Variants in MOB2 observed in about 807,000 individuals in gnomAD.
MOB2 encodes the protein MOB kinase activator 2.
A neutral mutation model predicts 27.4 loss-of-function variants in MOB2; 14 were observed. The observed-to-expected ratio is 0.51, with a 90% CI of 0.34 to 0.80. The LOEUF is 0.80. MOB2 is among the 30% of genes least tolerant of loss of function. The pLI is 0.01. For synonymous variants in MOB2, 167 were observed against 151.8 expected, an observed-to-expected ratio of 1.10 and a Z score of -0.74; for missense variants, 304 against 354.6, an observed-to-expected ratio of 0.86 and a Z score of 1.15.
chr11:1,484,565 C>T (rs574037620), intron 1 of MOB2, among the ~76,000 whole-genome samples: 4 of 152,228 alleles, frequency 2.6e-5, no homozygotes, highest in African/African-American at 7.2e-5. Flanking sequence ...TCTCAGCACA[C>T]CTTGCTGCCC....
chr11:1,474,877 G>A (rs937035281), intron 3 of MOB2, among the ~76,000 whole-genome samples: 4 of 152,264 alleles, frequency 2.6e-5, no homozygotes, highest in African/African-American at 7.2e-5. Context: ...AAAAGTGTGA[G>A]ATTCCTCTTA....
At chr11:1,477,686 C>G (rs1340450905) in intron 3 of MOB2, among the ~76,000 whole-genome samples, 1 of 152,180 alleles carries the variant, frequency 6.6e-6, no homozygotes, top group Non-Finnish European at 1.5e-5. Context: ...TCCTGGTCCA[C>G]AGTGGATCTT....
chr11:1,481,552 G>T (rs998562835), intron 1 of MOB2: 1 of 152,784 alleles, frequency 6.5e-6, no homozygotes, highest in African/African-American at 2.4e-5. Flanking sequence ...GTTGCTAATG[G>T]TTTATTTAAG....
intron 3 of MOB2, chr11:1,473,162 A>C (rs1847814429): frequency 6.6e-6 from 1 of 152,330 alleles, no homozygotes; most frequent in Admixed American, 6.5e-5. Context: ...AGCCCACCCG[A>C]AGGGGAAGTG....
intron 3 of MOB2, 161 bp from the exon 4 acceptor site, chr11:1,471,580 C>T (rs1847791771): frequency 1.3e-6 from 1 of 794,214 alleles, no homozygotes; most frequent in South Asian, 1.8e-5. Context: ...TGTCCCCACA[C>T]ACTGTCTGCG....
Position 1,486,415 on chromosome 11 carries a change from A to G in MOB2, c.110+32T>C. ...AACAGGGCAGACAGATGTGCTACAC[A>G]CCCCTCCCCCAGCCAGGCTGGCAGG... On this transcript the variant is annotated intron_variant, in intron 1 of 4. Coordinates refer to ENST00000329957, the MANE Select transcript of MOB2 (RefSeq NM_001172223.3). 3.4e-6 allele frequency: 5 copies of G among 1,478,656 alleles called. No homozygotes were observed. The East Asian group carries it at 1.2e-4, about 36-fold the overall frequency. 91.6% of individuals were successfully genotyped at this position (1,478,656 alleles called of 1,614,324 possible).
At chr11:1,474,485 G>A (rs1847831230) in intron 3 of MOB2, among the ~76,000 whole-genome samples, 1 of 152,250 alleles carries the variant, frequency 6.6e-6, no homozygotes, top group Admixed American at 6.5e-5. Context: ...ATGTTTGCAC[G>A]AGGCATGAGG....
chr11:1,483,994 G>A (rs567752639), intron 1 of MOB2, among the ~76,000 whole-genome samples: 2 of 152,248 alleles, frequency 1.3e-5, no homozygotes, highest in Non-Finnish European at 1.5e-5. Flanking sequence ...GCTGGGAGCC[G>A]CCCACTCCTC....
intron 4 of MOB2, among the ~76,000 whole-genome samples, 190 bp from the exon 5 acceptor site, chr11:1,470,678 C>A (rs985562516): frequency 6.6e-6 from 1 of 152,218 alleles, no homozygotes; most frequent in Admixed American, 6.5e-5. Flanking sequence ...TTGCCAACCC[C>A]GGGTCTGGGC....
rs749516037 is a variant in MOB2, at chr11:1,470,478, G to A, written c.501C>T (p.Phe167=). 1.2e-6 allele frequency: 2 copies of A among 1,611,452 alleles called. No homozygotes were observed. Among genetic ancestry groups the A allele is most frequent in the South Asian group, 1.1e-5 (1 of 91,052 alleles). ...TCACCAGGGACTCAAAGGAGCTGGG[G>A]AATTCTCTGCCTGGGGAAGGCCACC... is the stretch of plus-strand genomic sequence containing the variant. The part of the protein sequence containing the change: ...DVFPTKYGRE[F]PSSFESLVRK... Residue 167 remains phenylalanine, a synonymous_variant, in exon 5 of 5, where the codon TTC becomes TTT. Transcript: ENST00000329957.
intron 3 of MOB2, chr11:1,472,317 C>A (rs1847802860): frequency 6.6e-6 from 1 of 152,236 alleles, no homozygotes; most frequent in Non-Finnish European, 1.5e-5. Flanking sequence ...GCCGCAGCCC[C>A]ACCCACAGGC....
chr11:1,476,332 G>A (rs965819490), intron 3 of MOB2, among the ~76,000 whole-genome samples: 1 of 152,128 alleles, frequency 6.6e-6, no homozygotes, highest in African/African-American at 2.4e-5. Flanking sequence ...GATATACTGC[G>A]CTTTCCAAAG....
At chr11:1,476,706 CTTCT>C (rs762518983) in intron 3 of MOB2, among the ~76,000 whole-genome samples, 11 of 152,238 alleles carry the variant, frequency 7.2e-5, no homozygotes, top group Non-Finnish European at 1.5e-4. Flanking sequence ...TGAAAGTCAT[CTTCT>C]TTTTCTAAGA....
intron 4 of MOB2, among the ~76,000 whole-genome samples, chr11:1,470,785 G>A (rs944492491): frequency 6.7e-6 from 1 of 149,102 alleles, no homozygotes; most frequent in Admixed American, 6.8e-5. Context: ...TCAGGAAGGG[G>A]CCTGTGATCG....
At chr11:1,478,111 G>T (rs1340081231) in intron 3 of MOB2, among the ~76,000 whole-genome samples, 1 of 152,202 alleles carries the variant, frequency 6.6e-6, no homozygotes, top group Non-Finnish European at 1.5e-5. Context: ...ACCCACACAT[G>T]TGCTTCCACT....
intron 1 of MOB2, among the ~76,000 whole-genome samples, chr11:1,486,074 C>A (rs1847966657): frequency 6.6e-6 from 1 of 152,248 alleles, no homozygotes; most frequent in South Asian, 2.1e-4. Context: ...GGCTGAGGAA[C>A]CACACCCTGT....
At position 1,480,711 on chromosome 11, in the gene MOB2, A is replaced by G; in HGVS notation, c.271+14T>C. ...GGGAGGAGGGAGGGGGCCCGCCCCC[A>G]GGCCCCCGCGCACTGTTGCTGGCCA... On this transcript the variant is annotated intron_variant, in intron 2 of 4. Coordinates refer to ENST00000329957, the MANE Select transcript of MOB2 (RefSeq NM_001172223.3). The G allele has an allele frequency of 6.3e-7, 1 of 1,598,542 alleles. No individual in the cohort carries two copies.
intron 1 of MOB2, among the ~76,000 whole-genome samples, chr11:1,484,323 C>T (rs934502056): frequency 5.9e-5 from 9 of 152,186 alleles, no homozygotes; most frequent in African/African-American, 2.2e-4. Flanking sequence ...AATACGGTGA[C>T]CAGGCAGCGT....
At chr11:1,479,935 G>T (rs960710580) in intron 3 of MOB2, among the ~76,000 whole-genome samples, 14 of 152,208 alleles carry the variant, frequency 9.2e-5, no homozygotes, top group Non-Finnish European at 2.9e-5. Context: ...TCAGGGTGCA[G>T]TGCTTCCAGG....
Sources: gnomAD v4.1 joint callset for allele counts (sites outside exome capture counted in the v4.1 genomes callset) on GRCh38, gnomAD v4.1.1 for gene constraint, MANE v1.5 for transcripts, NCBI Gene and HGNC (gene_info 2026-07-23, HGNC 2026-07-21) for gene names.